The following TRIQK variants were observed in gnomAD, a reference collection of about 807,000 sequenced individuals.
The protein encoded by TRIQK is triple QxxK/R motif containing.
A neutral mutation model predicts 10.8 loss-of-function variants in TRIQK; 10 were observed. The ratio of observed to expected loss-of-function variants is 0.92; its 90% CI spans 0.57 to 1.57. TRIQK has a LOEUF of 1.57. Among genes scored for constraint, TRIQK ranks in the 40% most tolerant of loss-of-function variants. TRIQK has a pLI of 0.00. For missense variants in TRIQK, 107 were observed against 97.7 expected (o/e 1.09, Z -0.40); for synonymous variants, 33 against 33.7 (o/e 0.98, Z 0.07).
chr8:92,949,531 A>AGAAGGAAG lies in TRIQK; in HGVS notation c.-22+4867_-22+4874dup, dbSNP rs59992773. Among the ~76,000 whole-genome samples, 869 of 145,672 alleles carry AGAAGGAAG rather than the reference A, an allele frequency of 6.0e-3. 2 individuals carry two copies. The highest frequency in any genetic ancestry group is 0.017 in the African/African-American group (654 of 39,106). ...GCAGTCAAGGAAGAAAAAGAAAGAAAGAAGGAAGGAAGGAAGGAAGGAAGG... is the reference window on the plus strand; with the variant it reads ...GCAGTCAAGGAAGAAAAAGAAAGAAAGAAGGAAGGAAGGAAGGAAGGAAGGAAGGAAGG... On this transcript the variant is annotated intron_variant, in intron 2 of 4. Coordinates refer to ENST00000521988, the MANE Select transcript of TRIQK (RefSeq NM_001171797.2).
chr8:92,902,425 T>C (rs566116308), intron 3 of TRIQK, among the ~76,000 whole-genome samples: 142 of 152,216 alleles, frequency 9.3e-4, no homozygotes, highest in African/African-American at 3.1e-3. Flanking sequence ...GCACAGATTG[T>C]CTCTTAACAC....
intron 3 of TRIQK, among the ~76,000 whole-genome samples, chr8:92,906,872 G>A (rs576245677): frequency 6.6e-6 from 1 of 151,400 alleles, no homozygotes; most frequent in East Asian, 1.9e-4. Context: ...CAGCCTGGGA[G>A]ACAGAGCGAG....
At chr8:92,919,576 AGCG>A (rs1810063261) in intron 2 of TRIQK, among the ~76,000 whole-genome samples, 1 of 151,796 alleles carries the variant, frequency 6.6e-6, no homozygotes, top group Non-Finnish European at 1.5e-5. Context: ...TATGTTCATC[AGCG>A]ATATTACCTT....
intron 1 of TRIQK, among the ~76,000 whole-genome samples, chr8:93,014,880 A>C (rs1813368700): frequency 6.6e-6 from 1 of 152,044 alleles, no homozygotes; most frequent in African/African-American, 2.4e-5. Context: ...TCCCAGGGGA[A>C]TCTAGAGATT....
chr8:92,942,555 G>C (rs1033448189), intron 2 of TRIQK, among the ~76,000 whole-genome samples: 3 of 152,152 alleles, frequency 2.0e-5, no homozygotes, highest in Non-Finnish European at 4.4e-5. Context: ...AATTGGGCAA[G>C]AGAAAGAATT....
chr8:92,943,702 C>A (rs1183742886), intron 2 of TRIQK, among the ~76,000 whole-genome samples: 1 of 152,044 alleles, frequency 6.6e-6, no homozygotes, highest in Non-Finnish European at 1.5e-5. Context: ...AAATATAAGA[C>A]CTGAAACAAT....
chr8:92,954,705 T>C (rs980211401), intron 1 of TRIQK, 141 bp from the exon 2 acceptor site: 9 of 151,956 alleles, frequency 5.9e-5, no homozygotes, highest in South Asian at 4.1e-4. Context: ...TCCATCTGAA[T>C]ACGTTTCTAT....
intron 1 of TRIQK, among the ~76,000 whole-genome samples, chr8:93,003,884 A>G (rs888251742): frequency 6.6e-6 from 1 of 152,226 alleles, no homozygotes; most frequent in Non-Finnish European, 1.5e-5. Context: ...CTCTGACTGT[A>G]TGTCTCACAT....
chr8:93,008,976 C>T (rs1231262273), intron 1 of TRIQK, among the ~76,000 whole-genome samples: 3 of 152,108 alleles, frequency 2.0e-5, no homozygotes, highest in Non-Finnish European at 4.4e-5. Context: ...AATAAGATTA[C>T]ATCAGACTGA....
rs144854636 is a variant in TRIQK at position 92,983,018 on chromosome 8, G to A, written c.-180-28454C>T. ...TATGAAATTAGGATAACAATATCCA[G>A]TTCATATGGCTGCTGTAAAAATCAA... On this transcript the variant is annotated intron_variant, in intron 1 of 4. Coordinates refer to the TRIQK transcript ENST00000520686. 5.7e-3 allele frequency among the ~76,000 whole-genome samples: 874 copies of A among 152,162 alleles called. 2 individuals are homozygous for A. Among genetic ancestry groups the A allele is most frequent in the Non-Finnish European group, 8.5e-3 (576 of 67,926 alleles).
intron 2 of TRIQK, among the ~76,000 whole-genome samples, chr8:92,939,510 G>C (rs1044986112): frequency 2.0e-5 from 3 of 152,106 alleles, no homozygotes; most frequent in Non-Finnish European, 4.4e-5. Flanking sequence ...AAGGAAAGAA[G>C]CCACACTGGC....
intron 4 of TRIQK, 26 bp from the exon 5 acceptor site, chr8:92,886,761 G>T: frequency 1.6e-6 from 2 of 1,254,044 alleles, no homozygotes; most frequent in East Asian, 5.1e-5. Context: ...AAGTAGACTT[G>T]AAATTGATGA....
intron 1 of TRIQK, among the ~76,000 whole-genome samples, chr8:92,976,060 G>C (rs1245694896): frequency 6.6e-6 from 1 of 151,834 alleles, no homozygotes; most frequent in Non-Finnish European, 1.5e-5. Context: ...AAGATGTATA[G>C]AAACTTATTT....
intron 4 of TRIQK, among the ~76,000 whole-genome samples, chr8:92,891,697 T>C (rs1029375527): frequency 6.6e-6 from 1 of 151,918 alleles, no homozygotes; most frequent in South Asian, 2.1e-4. Flanking sequence ...GAAGGCCACA[T>C]ATATCACTGA....
At position 93,009,792 on chromosome 8, in the gene TRIQK, GA is replaced by G. The variant is rs202158838; in HGVS notation, c.-181+7816del. The stretch of plus-strand genomic sequence containing the variant: ...ACCACTGCTGGGTTTATATCCAAAG[GA>G]AAAAAAAATCAGCATGTCAAATAGA... On this transcript the variant is annotated intron_variant, in intron 1 of 4. Transcript: ENST00000520686. 1.3e-3 allele frequency among the ~76,000 whole-genome samples: 200 copies of G among 150,370 alleles called. 2 individuals are homozygous for G. Among genetic ancestry groups the G allele is most frequent in the African/African-American group, 3.9e-3 (158 of 41,024 alleles).
chr8:92,963,698 A>G (rs1812570543), intron 1 of TRIQK: 1 of 152,174 alleles, frequency 6.6e-6, no homozygotes, highest in Non-Finnish European at 1.5e-5. Flanking sequence ...GTTCGAGACC[A>G]GCCTGACCAA....
chr8:92,928,056 T>C (rs1433638663), intron 2 of TRIQK: 1 of 152,076 alleles, frequency 6.6e-6, no homozygotes, highest in African/African-American at 2.4e-5. Flanking sequence ...GCGTTTGGGA[T>C]TAACTGGGTT....
intron 3 of TRIQK, among the ~76,000 whole-genome samples, chr8:92,895,653 A>C (rs1437648445): frequency 6.6e-6 from 1 of 152,174 alleles, no homozygotes; most frequent in Non-Finnish European, 1.5e-5. Flanking sequence ...GACCTGGAGT[A>C]AAGGCTATCC....
At chr8:92,962,991 T>A (rs1402796194) in intron 1 of TRIQK, among the ~76,000 whole-genome samples, 1 of 152,202 alleles carries the variant, frequency 6.6e-6, no homozygotes, top group Non-Finnish European at 1.5e-5. Context: ...GAAGTTGATA[T>A]GGCAGGCGCC....
Sources: allele counts gnomAD v4.1 joint callset (sites outside exome capture counted in the v4.1 genomes callset), GRCh38; gene constraint gnomAD v4.1.1; transcripts MANE v1.5; gene names NCBI Gene and HGNC (gene_info 2026-07-23, HGNC 2026-07-21).